The following ILK variants were observed in gnomAD, a reference collection of about 807,000 sequenced individuals.
ILK encodes the protein scaffold protein ILK.
Under a neutral mutation model 57.8 loss-of-function variants are expected in ILK, and 37 were observed. The observed-to-expected ratio is 0.64, with a 90% confidence interval of 0.49 to 0.84. The LOEUF is 0.84. Ranked by LOEUF, ILK falls within the 40% of genes least tolerant of loss-of-function variation. The pLI, the probability that ILK is intolerant of heterozygous loss-of-function variation, is 0.00. For missense variants in ILK, 528 were observed against 595.7 expected (o/e 0.89, Z 1.18); for synonymous variants, 231 against 202.2 (o/e 1.14, Z -1.21).
At position 6,608,961 on chromosome 11, in the gene ILK, C is replaced by T. The variant is rs1333269100; in HGVS notation, c.526C>T (p.Arg176Trp). 3 of 1,614,122 alleles carry T rather than the reference C, an allele frequency of 1.9e-6. No individual in the cohort carries two copies. Among genetic ancestry groups the T allele is most frequent in the Admixed American group, 1.7e-5 (1 of 60,028 alleles). The change falls in exon 6 of 13, where the codon CGG becomes TGG. Residue 176 changes from arginine to tryptophan, a missense_variant. Physicochemically the swap from Arg to Trp is moderately radical, Grantham distance 101 (BLOSUM62 -3). Coordinates refer to ENST00000299421, the MANE Select transcript of ILK (RefSeq NM_004517.4). This position sits in a 1 kb window ranked among gnomAD's most constrained non-coding sequence, Gnocchi z 4.9. ...ATTCTGGAAGGGGACCACCCGCACT[C>T]GGCCCCGTGAGTCACCACTGTGGGA... ...DTFWKGTTRT[R>W]PRNGTLNKHS...
At chr11:6,603,868 T>C in intron 1 of ILK, 46 bp downstream of exon 1, 1 of 378,660 alleles carries the variant, frequency 2.6e-6, no homozygotes. Context: ...TCACTTCTCC[T>C]GAGTCCCAAG....
chr11:6,605,925 C>T (rs1243021639), intron 2 of ILK, among the ~76,000 whole-genome samples: 1 of 152,180 alleles, frequency 6.6e-6, no homozygotes, highest in Non-Finnish European at 1.5e-5. Context: ...CCTGTAATCC[C>T]AGCACTTTGG....
rs1855323389 is a variant in ILK at position 6,609,850 on chromosome 11, G to A, written c.978+5G>A. On this transcript the variant is annotated splice_donor_5th_base_variant and intron_variant, in intron 10 of 12. Coordinates refer to ENST00000299421, the MANE Select transcript of ILK (RefSeq NM_004517.4). ...CTCAATAGCCGTAGTGTAATGGTGA[G>A]GCCACAAGCTCACTCCTGGCCCAGG... The A allele has an allele frequency of 6.2e-7, 1 of 1,614,204 alleles. No individual in the cohort carries two copies. The highest frequency in any genetic ancestry group is 8.5e-7 in the Non-Finnish European group (1 of 1,180,046).
Position 6,608,772 on chromosome 11 carries a change from CT to C in ILK, c.431del (p.Leu144ArgfsTer39). ...EMPVDKAKAP[L>X]RELLRERAEK... ...GCCTGTGGACAAAGCCAAGGCACCC[CT>C]GAGAGAGCTTCTCCGAGGTCCATCT... On this transcript the variant is annotated frameshift_variant, in exon 5 of 13. Transcript: ENST00000299421. LOFTEE classifies it high-confidence loss of function. The surrounding 1 kb of genome is among the most constrained non-coding windows in gnomAD (Gnocchi z 4.9). 1 of 1,614,038 alleles carries C rather than the reference CT, an allele frequency of 6.2e-7. No individual in the cohort carries two copies. Among genetic ancestry groups the C allele is most frequent in the Non-Finnish European group, 8.5e-7 (1 of 1,179,910 alleles).
rs7949828 is a variant in ILK at position 6,605,569 on chromosome 11, A to G, written c.89+1209A>G. On this transcript the variant is annotated intron_variant, in intron 2 of 12. Coordinates refer to ENST00000299421, the MANE Select transcript of ILK (RefSeq NM_004517.4). ...GCAGGTTTGTTGGATGGGTAAACTCAGGTCATGGAGGTTTGTTGTGCAGAT... is the reference window on the plus strand; with the variant it reads ...GCAGGTTTGTTGGATGGGTAAACTCGGGTCATGGAGGTTTGTTGTGCAGAT... 4.2e-3 allele frequency among the ~76,000 whole-genome samples: 645 copies of G among 151,810 alleles called. 7 individuals are homozygous for G. Among genetic ancestry groups the G allele is most frequent in the African/African-American group, 0.015 (603 of 41,334 alleles).
chr11:6,609,123 C>T lies in ILK; in HGVS notation c.585C>T (p.Phe195=), dbSNP rs759180023. ...HSGIDFKQLN[F]LTKLNENHSG... ...GCATTGACTTCAAACAGCTTAACTT[C>T]CTGACGAAGCTCAACGAGAATCACT... Residue 195 remains phenylalanine (F), a synonymous_variant, in exon 7 of 13, where the codon TTC becomes TTT. Coordinates refer to ENST00000299421, the MANE Select transcript of ILK (RefSeq NM_004517.4). 14 of 1,614,182 alleles carry T rather than the reference C, an allele frequency of 8.7e-6. No homozygotes were observed. Among genetic ancestry groups the T allele is most frequent in the Non-Finnish European group, 1.2e-5 (14 of 1,179,994 alleles).
At position 6,608,834 on chromosome 11, in the gene ILK, CACCT is replaced by C; in HGVS notation, c.448+45_449-46del. The C allele has an allele frequency of 4.3e-6, 7 of 1,612,516 alleles. No individual in the cohort carries two copies. Among genetic ancestry groups the C allele is most frequent in the Non-Finnish European group, 5.9e-6 (7 of 1,178,492 alleles). The stretch of plus-strand genomic sequence containing the variant: ...TAGCTTGTGTCCTCTCGTCCCTTCC[CACCT>C]GTCTTCTCCCTCTGTACCACAGCTT... On this transcript the variant is annotated intron_variant, in intron 5 of 12. Coordinates refer to ENST00000299421, the MANE Select transcript of ILK (RefSeq NM_004517.4). This position sits in a 1 kb window ranked among gnomAD's most constrained non-coding sequence, Gnocchi z 4.9.
intron 2 of ILK, among the ~76,000 whole-genome samples, chr11:6,605,523 TTTAAG>T (rs1182879935): frequency 1.3e-5 from 2 of 151,704 alleles, no homozygotes; most frequent in Non-Finnish European, 2.9e-5. Flanking sequence ...GTTTTTTTTT[TTTAAG>T]TTAAGGGGTA....
At position 6,609,421 on chromosome 11, in the gene ILK, G is replaced by A. The variant is rs368709206; in HGVS notation, c.728+13G>A. ...GTCCCCGGCTCAGGTAGTGCAAGGC[G>A]TAACCTGGAAGCTGCTAGTTCCAAG... On this transcript the variant is annotated intron_variant, in intron 8 of 12. Transcript: ENST00000299421. 3.3e-5 allele frequency: 54 copies of A among 1,613,092 alleles called. No homozygotes were observed. The highest frequency in any genetic ancestry group is 4.3e-5 in the Non-Finnish European group (51 of 1,179,338).
rs1472044057 is a variant in ILK, at chr11:6,608,837, C to T, written c.448+47C>T. 6.2e-7 allele frequency: 1 copy of T among 1,612,458 alleles called. No homozygotes were observed. The highest frequency in any genetic ancestry group is 1.7e-5 in the Admixed American group (1 of 60,024). On this transcript the variant is annotated intron_variant, in intron 5 of 12. Transcript: ENST00000299421. The surrounding 1 kb of genome is among the most constrained non-coding windows in gnomAD (Gnocchi z 4.9). ...CTTGTGTCCTCTCGTCCCTTCCCAC[C>T]TGTCTTCTCCCTCTGTACCACAGCT... is the stretch of plus-strand genomic sequence containing the variant.
chr11:6,608,596 C>T lies in ILK; in HGVS notation c.352-98C>T, dbSNP rs1855178820. On this transcript the variant is annotated intron_variant, in intron 4 of 12. Coordinates refer to ENST00000299421, the MANE Select transcript of ILK (RefSeq NM_004517.4). This position sits in a 1 kb window ranked among gnomAD's most constrained non-coding sequence, Gnocchi z 4.9. ...ATTCTGTCAGTACTACTGTGTGACA[C>T]TTACAGGATTAAGTTCTACATTTGT... 3.0e-6 allele frequency: 4 copies of T among 1,340,852 alleles called. No homozygotes were observed. In the Admixed American group the frequency reaches 5.0e-5, roughly 17 times the overall value. 83.1% of individuals were successfully genotyped at this position (1,340,852 alleles called of 1,614,324 possible).
rs767751755 is a variant in ILK at position 6,604,160 on chromosome 11, C to A, written c.-92-20C>A. 4 of 1,013,462 alleles carry A rather than the reference C, an allele frequency of 3.9e-6. No homozygotes were observed. Among genetic ancestry groups the A allele is most frequent in the Non-Finnish European group, 6.0e-6 (4 of 670,366 alleles). The allele number at this position is 1,013,462 out of a possible 1,614,324, so 62.8% of individuals were successfully genotyped here. ...CAGCTCAGGCCCCCTACCCCCAACA[C>A]AAACACTTCTCTCCTGTAGAGGATA... is the stretch of plus-strand genomic sequence containing the variant. On this transcript the variant is annotated intron_variant, in intron 1 of 12. Transcript: ENST00000299421.
Position 6,608,523 on chromosome 11 carries a change from AG to A in ILK, c.351+36del. ...TCAGCCCTTAATTCCTGAGATGGGT[AG>A]GAAGTAAAGTCTGAGCCTTGGTGGG... On this transcript the variant is annotated intron_variant, in intron 4 of 12. Coordinates refer to ENST00000299421, the MANE Select transcript of ILK (RefSeq NM_004517.4). The surrounding 1 kb of genome is among the most constrained non-coding windows in gnomAD (Gnocchi z 4.9). 1.3e-6 allele frequency: 2 copies of A among 1,558,382 alleles called. No homozygotes were observed. Among genetic ancestry groups the A allele is most frequent in the Non-Finnish European group, 1.8e-6 (2 of 1,129,170 alleles).
rs763356453 is a variant in ILK, at chr11:6,609,822, G to A, written c.955G>A (p.Ala319Thr). Reference protein sequence around the residue: ...HTLEPLIPRHALNSRSVMIDE... With the variant: ...HTLEPLIPRHTLNSRSVMIDE... ...ACTAGAGCCCCTCATCCCACGACAT[G>A]CACTCAATAGCCGTAGTGTAATGGT... Residue 319 changes from alanine (A) to threonine (T), a missense_variant, in exon 10 of 13, where the codon GCA (alanine) becomes ACA (threonine). Ala to Thr is a moderately conservative substitution (Grantham distance 58). Transcript: ENST00000299421. The A allele has an allele frequency of 1.9e-6, 3 of 1,614,208 alleles. No individual in the cohort carries two copies. In the Admixed American group the frequency reaches 5.0e-5, roughly 27 times the overall value.
Position 6,610,836 on chromosome 11 carries a change from A to G in ILK, c.*225A>G, listed in dbSNP as rs1564851396. ...GGTGTCTCCCAACATGGGAGGGATC[A>G]GCCCCGCCTGTCACAATAAAGTTTA... On this transcript the variant is annotated 3_prime_UTR_variant, in exon 13 of 13. Transcript: ENST00000299421. The G allele has an allele frequency of 1.3e-6, 2 of 1,512,542 alleles. No homozygotes were observed. Among genetic ancestry groups the G allele is most frequent in the East Asian group, 2.3e-5 (1 of 44,358 alleles). The allele number at this position is 1,512,542 out of a possible 1,614,324, so 93.7% of individuals were successfully genotyped here. A position where few individuals can be genotyped will look rare whatever the true frequency, so the allele number is the denominator to read the frequency against.
Position 6,609,387 on chromosome 11 carries a change from A to G in ILK, c.707A>G (p.Asn236Ser), listed in dbSNP as rs145571020. 291 of 1,614,014 alleles carry G rather than the reference A, an allele frequency of 1.8e-4. No homozygotes were observed. The East Asian group carries it at 1.8e-3, about 10-fold the overall frequency. Reference protein sequence around the residue: ...DWSTRKSRDFNEECPRLRIFS... With the variant: ...DWSTRKSRDFSEECPRLRIFS... ...AGTACAAGGAAGAGCAGGGACTTCA[A>G]TGAAGAGTGTCCCCGGCTCAGGTAG... The change falls in exon 8 of 13, where the codon AAT (asparagine) becomes AGT (serine). Residue 236 changes from asparagine (N) to serine (S), a missense_variant. Transcript: ENST00000299421.
At chr11:6,604,989 G>A (rs892352727) in intron 2 of ILK, 22 of 437,100 alleles carry the variant, frequency 5.0e-5, no homozygotes, top group East Asian at 2.8e-4. Context: ...TCTTTAGGAC[G>A]AAGAATTGTG....
chr11:6,610,470 G>A lies in ILK; in HGVS notation c.1218G>A (p.Leu406=), dbSNP rs1417284080. 1.2e-6 allele frequency: 2 copies of A among 1,614,208 alleles called. No homozygotes were observed. The highest frequency in any genetic ancestry group is 1.1e-5 in the South Asian group (1 of 91,080). The change falls in exon 13 of 13, where the codon TTG becomes TTA. Residue 406 remains leucine (L), a synonymous_variant. Coordinates refer to ENST00000299421, the MANE Select transcript of ILK (RefSeq NM_004517.4). ...TTTTCTTGTATTCGCAGGTGGCATT[G>A]GAAGGCCTTCGGCCTACCATCCCAC... The part of the protein sequence containing the change: ...SNMEIGMKVA[L]EGLRPTIPPG...
Position 6,608,859 on chromosome 11 carries a change from A to G in ILK, c.449-25A>G, listed in dbSNP as rs1855203119. 2 of 1,613,826 alleles carry G rather than the reference A, an allele frequency of 1.2e-6. No individual in the cohort carries two copies. The highest frequency in any genetic ancestry group is 4.5e-5 in the East Asian group (2 of 44,882). ...CACCTGTCTTCTCCCTCTGTACCAC[A>G]GCTTAGGTTGTTTTTCTTCCCTAGA... On this transcript the variant is annotated intron_variant, in intron 5 of 12. Coordinates refer to ENST00000299421, the MANE Select transcript of ILK (RefSeq NM_004517.4). The surrounding 1 kb of genome is among the most constrained non-coding windows in gnomAD (Gnocchi z 4.9).
Sources: allele counts gnomAD v4.1 joint callset (sites outside exome capture counted in the v4.1 genomes callset), GRCh38; gene constraint gnomAD v4.1.1; non-coding constraint Gnocchi (gnomAD v3.1); transcripts MANE v1.5; gene names NCBI Gene and HGNC (gene_info 2026-07-23, HGNC 2026-07-21).